L3MBTL4: variants seen among roughly 807,000 people sequenced by gnomAD.
L3MBTL4 encodes the protein L3MBTL histone methyl-lysine binding protein 4.
A neutral mutation model predicts 84.5 loss-of-function variants in L3MBTL4; 70 were observed. The observed-to-expected ratio is 0.83, with a 90% CI of 0.68 to 1.01. L3MBTL4 has a LOEUF of 1.01. Among genes scored for constraint, L3MBTL4 ranks in the 50% least tolerant of loss-of-function variants. The pLI is 0.00. For missense variants in L3MBTL4, 715 were observed against 754.8 expected (o/e 0.95, Z 0.62); for synonymous variants, 274 against 259.8 (o/e 1.05, Z -0.52).
intron 16 of L3MBTL4, among the ~76,000 whole-genome samples, chr18:5,996,543 A>G (rs2053979839): frequency 6.6e-6 from 1 of 152,140 alleles, no homozygotes; most frequent in Admixed American, 6.5e-5. Flanking sequence ...AGCTGTGGCT[A>G]TGGTAGGTGC....
chr18:6,041,892 T>C (rs1220558729), intron 16 of L3MBTL4, among the ~76,000 whole-genome samples: 1 of 144,112 alleles, frequency 6.9e-6, no homozygotes, highest in Non-Finnish European at 1.5e-5. Context: ...GCCTGGCTAA[T>C]TTTTTTTTTG....
chr18:6,220,668 T>C (rs972622027), intron 10 of L3MBTL4, among the ~76,000 whole-genome samples: 1 of 152,264 alleles, frequency 6.6e-6, no homozygotes, highest in African/African-American at 2.4e-5. Context: ...GATAGGAATA[T>C]GTTCACTTCA....
chr18:6,144,641 A>G (rs960328704), intron 13 of L3MBTL4, among the ~76,000 whole-genome samples: 3 of 152,186 alleles, frequency 2.0e-5, no homozygotes, highest in Admixed American at 6.5e-5. Flanking sequence ...TCAGGGCAAC[A>G]ATGTGCCCAG....
At chr18:6,412,913 C>T (rs559995892) in intron 1 of L3MBTL4, among the ~76,000 whole-genome samples, 3 of 150,706 alleles carry the variant, frequency 2.0e-5, no homozygotes, top group African/African-American at 7.4e-5. Context: ...AATGAGTTTC[C>T]GTCTCTACAA....
rs553977497 is a variant in L3MBTL4 at position 6,179,040 on chromosome 18, A to T, written c.982-7098T>A. ...ACATCTTCTCATTGTTCTTTTGGGC[A>T]ATTGGAAGACGAGGAAGTTATTATA... On this transcript the variant is annotated intron_variant, in intron 12 of 18. Transcript: ENST00000317931. Among the ~76,000 whole-genome samples, 23 of 152,328 alleles carry T rather than the reference A, an allele frequency of 1.5e-4. No homozygotes were observed. In the South Asian group the frequency reaches 2.3e-3, roughly 15 times the overall value.
chr18:6,098,156 A>G (rs762035742), intron 14 of L3MBTL4, among the ~76,000 whole-genome samples: 2 of 152,036 alleles, frequency 1.3e-5, no homozygotes, highest in Non-Finnish European at 1.5e-5. Flanking sequence ...CTTGATTCCC[A>G]CTTCTCTCTG....
rs2046548117 is a variant in L3MBTL4 at position 6,221,424 on chromosome 18, C to A, written c.785-5589G>T. The stretch of plus-strand genomic sequence containing the variant: ...TCTGTCTATTGGATCTGCCAAGGGT[C>A]TATCACAATAGACAGAATGTTCAGC... On this transcript the variant is annotated intron_variant, in intron 10 of 18. Transcript: ENST00000317931. 2.0e-5 allele frequency among the ~76,000 whole-genome samples: 3 copies of A among 152,188 alleles called. No individual in the cohort carries two copies. The South Asian group carries it at 6.2e-4, about 32-fold the overall frequency.
At chr18:6,346,751 T>C (rs1599726779) in intron 1 of L3MBTL4, among the ~76,000 whole-genome samples, 1 of 152,216 alleles carries the variant, frequency 6.6e-6, no homozygotes, top group East Asian at 1.9e-4. Flanking sequence ...GGTGGGAATG[T>C]ATGAAAAGCA....
At chr18:6,350,756 A>C (rs562855835) in intron 1 of L3MBTL4, among the ~76,000 whole-genome samples, 10 of 152,206 alleles carry the variant, frequency 6.6e-5, no homozygotes, top group Non-Finnish European at 1.3e-4. Flanking sequence ...GCAGGGACCC[A>C]AACAGAAATT....
intron 7 of L3MBTL4, 58 bp from the exon 8 acceptor site, chr18:6,241,507 A>G (rs2047449924): frequency 1.0e-6 from 1 of 952,886 alleles, no homozygotes; most frequent in Admixed American, 2.3e-5. Flanking sequence ...TGCATATTAA[A>G]TATATTAGGT....
At chr18:6,139,965 C>T (rs956264578) in intron 13 of L3MBTL4, among the ~76,000 whole-genome samples, 10 of 152,168 alleles carry the variant, frequency 6.6e-5, no homozygotes, top group Admixed American at 6.5e-5. Context: ...TGCTCAGGCA[C>T]ACTCAGGCCC....
intron 6 of L3MBTL4, 33 bp from the exon 7 acceptor site, chr18:6,243,462 A>G: frequency 6.5e-7 from 1 of 1,544,640 alleles, no homozygotes. Context: ...TCATTCGTTA[A>G]GTGTCATATA....
At chr18:6,073,884 G>A (rs574288353) in intron 16 of L3MBTL4, among the ~76,000 whole-genome samples, 1 of 152,214 alleles carries the variant, frequency 6.6e-6, no homozygotes, top group East Asian at 1.9e-4. Context: ...CTTATCACGA[G>A]TTTTCTGAGG....
chr18:6,387,909 G>A (rs528941296), intron 1 of L3MBTL4, among the ~76,000 whole-genome samples: 7 of 152,110 alleles, frequency 4.6e-5, no homozygotes, highest in Admixed American at 6.6e-5. Flanking sequence ...CCATGCAAAC[G>A]TCAACAAAAA....
chr18:6,083,396 G>T (rs2058146191), intron 15 of L3MBTL4, among the ~76,000 whole-genome samples: 1 of 152,174 alleles, frequency 6.6e-6, no homozygotes, highest in Admixed American at 6.5e-5. Context: ...GCAACGAAAG[G>T]CAGCTTGACA....
At chr18:5,960,400 G>A (rs1001143588) in intron 17 of L3MBTL4, among the ~76,000 whole-genome samples, 1 of 152,184 alleles carries the variant, frequency 6.6e-6, no homozygotes, top group African/African-American at 2.4e-5. Context: ...GACAGTAATA[G>A]CCTCCATATG....
chr18:6,246,285 T>A (rs1222675773), intron 5 of L3MBTL4, among the ~76,000 whole-genome samples: 3 of 152,224 alleles, frequency 2.0e-5, no homozygotes, highest in African/African-American at 7.2e-5. Flanking sequence ...TTTTCAATTT[T>A]CACATAAAAC....
At chr18:6,071,322 T>G (rs1598635764) in intron 16 of L3MBTL4, among the ~76,000 whole-genome samples, 1 of 143,768 alleles carries the variant, frequency 7.0e-6, no homozygotes, top group South Asian at 2.2e-4. Context: ...ACCCAGGAGG[T>G]GGAGGTTGCA....
At chr18:6,051,228 G>A (rs1238792199) in intron 16 of L3MBTL4, among the ~76,000 whole-genome samples, 1 of 152,196 alleles carries the variant, frequency 6.6e-6, no homozygotes, top group African/African-American at 2.4e-5. Flanking sequence ...CAGTCTGCAT[G>A]AATATCTCCA....
Sources: gnomAD v4.1 joint callset for allele counts (sites outside exome capture counted in the v4.1 genomes callset) on GRCh38, gnomAD v4.1.1 for gene constraint, MANE v1.5 for transcripts, NCBI Gene and HGNC (gene_info 2026-07-23, HGNC 2026-07-21) for gene names.